ABLIM1: variants seen among roughly 807,000 people sequenced by gnomAD.
The protein encoded by ABLIM1 is actin binding LIM protein 1.
A neutral mutation model predicts 107.0 loss-of-function variants in ABLIM1; 40 were observed. That is an observed-to-expected ratio of 0.37 (90% CI 0.29 to 0.49). The LOEUF is 0.49. ABLIM1 is among the 20% of genes least tolerant of loss of function. The pLI, the probability that ABLIM1 is intolerant of heterozygous loss-of-function variation, is 0.97. For missense variants in ABLIM1, 857 were observed against 1,008.5 expected, an observed-to-expected ratio of 0.85 and a Z score of 2.04; for synonymous variants, 357 against 357.3, an observed-to-expected ratio of 1.00 and a Z score of 0.01.
chr10:114,721,873 C>CT (rs933561806), intron 1 of ABLIM1, among the ~76,000 whole-genome samples: 4 of 152,058 alleles, frequency 2.6e-5, no homozygotes, highest in Non-Finnish European at 5.9e-5. Context: ...ACCTGAAAGG[C>CT]TTTTTTTGGG....
chr10:114,587,465 G>T (rs150077380), intron 2 of ABLIM1, among the ~76,000 whole-genome samples: 27 of 152,168 alleles, frequency 1.8e-4, no homozygotes, highest in African/African-American at 6.3e-4. Flanking sequence ...CAGATGCCCA[G>T]TGTTCAGAAT....
At chr10:114,722,926 C>T (rs2142062304) in intron 1 of ABLIM1, among the ~76,000 whole-genome samples, 1 of 152,290 alleles carries the variant, frequency 6.6e-6, no homozygotes, top group East Asian at 1.9e-4. Flanking sequence ...TGAGCTACTC[C>T]TTCCTTCTGT....
intron 1 of ABLIM1, among the ~76,000 whole-genome samples, chr10:114,704,296 C>CTATA (rs1481293676): frequency 6.9e-5 from 2 of 28,882 alleles, no homozygotes; most frequent in Non-Finnish European, 1.6e-4. Context: ...CTCTCTCTCT[C>CTATA]TCTCTCTATA....
chr10:114,612,614 C>T (rs1301070467), intron 1 of ABLIM1, among the ~76,000 whole-genome samples: 1 of 152,160 alleles, frequency 6.6e-6, no homozygotes, highest in Non-Finnish European at 1.5e-5. Flanking sequence ...TTGATTGAAC[C>T]TTTTAAGGTC....
intron 17 of ABLIM1, 50 bp downstream of exon 17, chr10:114,443,979 A>G (rs1387480513): frequency 6.8e-7 from 1 of 1,470,890 alleles, no homozygotes; most frequent in Non-Finnish European, 9.4e-7. Flanking sequence ...GTGCCTTACA[A>G]GCAGGTGGCT....
At chr10:114,527,826 G>C (rs999889854) in intron 6 of ABLIM1, among the ~76,000 whole-genome samples, 8 of 140,818 alleles carry the variant, frequency 5.7e-5, no homozygotes, top group Middle Eastern at 3.4e-3. Context: ...CACCATGCCT[G>C]GCTAATTTTT....
intron 8 of ABLIM1, among the ~76,000 whole-genome samples, chr10:114,482,116 G>C (rs954781456): frequency 6.6e-6 from 1 of 152,178 alleles, no homozygotes; most frequent in African/African-American, 2.4e-5. Flanking sequence ...GATTATTACA[G>C]ACTTGGTCCT....
intron 18 of ABLIM1, among the ~76,000 whole-genome samples, chr10:114,441,303 G>C (rs2060163407): frequency 6.6e-6 from 1 of 151,992 alleles, no homozygotes; most frequent in Non-Finnish European, 1.5e-5. Flanking sequence ...GGGATCTCTT[G>C]CTGATAAATA....
intron 2 of ABLIM1, among the ~76,000 whole-genome samples, chr10:114,590,590 C>A (rs1045410125): frequency 6.6e-6 from 1 of 152,104 alleles, no homozygotes; most frequent in Non-Finnish European, 1.5e-5. Context: ...TAAGGAGAAA[C>A]CCAGGGTTTT....
At chr10:114,461,502 T>C (rs1328246580) in intron 12 of ABLIM1, among the ~76,000 whole-genome samples, 1 of 151,610 alleles carries the variant, frequency 6.6e-6, no homozygotes, top group Non-Finnish European at 1.5e-5. Flanking sequence ...TCCCCCAAAA[T>C]ACTAATTAGC....
At chr10:114,498,864 T>C (rs2060025319) in intron 6 of ABLIM1, among the ~76,000 whole-genome samples, 1 of 152,248 alleles carries the variant, frequency 6.6e-6, no homozygotes, top group African/African-American at 2.4e-5. Context: ...CACTTGTCAC[T>C]ACAGAAGGTA....
intron 1 of ABLIM1, among the ~76,000 whole-genome samples, chr10:114,750,788 T>C (rs1270580221): frequency 6.6e-6 from 1 of 152,208 alleles, no homozygotes; most frequent in Non-Finnish European, 1.5e-5. Context: ...CACATCAAAA[T>C]ATTCATAAAG....
At chr10:114,703,359 C>G (rs1257917357) in intron 1 of ABLIM1, among the ~76,000 whole-genome samples, 18 of 152,218 alleles carry the variant, frequency 1.2e-4, no homozygotes, top group Admixed American at 1.2e-3. Flanking sequence ...AGCAGCTTAT[C>G]TAACCTTGAC....
chr10:114,485,310 G>T, intron 8 of ABLIM1: 1 of 1,612,442 alleles, frequency 6.2e-7, no homozygotes, highest in Non-Finnish European at 8.5e-7. Context: ...CAGAGACGGA[G>T]ACCGTCCTGT....
At chr10:114,755,150 C>T (rs957728556) in intron 1 of ABLIM1, among the ~76,000 whole-genome samples, 2 of 152,162 alleles carry the variant, frequency 1.3e-5, no homozygotes, top group East Asian at 1.9e-4. Flanking sequence ...ACCACCTGAA[C>T]GCCACCTCCT....
intron 1 of ABLIM1, among the ~76,000 whole-genome samples, chr10:114,714,685 G>C (rs985879432): frequency 6.6e-6 from 1 of 152,148 alleles, no homozygotes; most frequent in Non-Finnish European, 1.5e-5. Context: ...CACTCAGAAG[G>C]GTTGGTTTGG....
chr10:114,653,923 G>A (rs2141130726), intron 1 of ABLIM1, among the ~76,000 whole-genome samples: 1 of 152,328 alleles, frequency 6.6e-6, no homozygotes, highest in African/African-American at 2.4e-5. Context: ...CTTTACAAAG[G>A]ACACATATGC....
the ABLIM1 span, among the ~76,000 whole-genome samples, chr10:114,794,586 T>C: frequency 1.3e-5 from 2 of 152,204 alleles, no homozygotes; most frequent in Admixed American, 6.5e-5. Context: ...AGGATACATA[T>C]TTGTGTTTTT....
chr10:114,676,320 T>G (rs933978911), intron 1 of ABLIM1, among the ~76,000 whole-genome samples: 8 of 151,832 alleles, frequency 5.3e-5, no homozygotes, highest in Admixed American at 3.3e-4. Context: ...CTACTAAAAA[T>G]ACAAAAATTA....
Sources: gnomAD v4.1 joint callset for allele counts (sites outside exome capture counted in the v4.1 genomes callset) on GRCh38, gnomAD v4.1.1 for gene constraint, MANE v1.5 for transcripts, NCBI Gene and HGNC (gene_info 2026-07-23, HGNC 2026-07-21) for gene names.